The following BEND2 variants were observed in gnomAD, a reference collection of about 807,000 sequenced individuals.
The protein encoded by BEND2 is BEN domain containing 2.
In BEND2, 19 loss-of-function variants were observed where a neutral mutation model predicts 43.8. The ratio of observed to expected loss-of-function variants is 0.43; its 90% CI spans 0.30 to 0.64. BEND2 has a LOEUF of 0.64. BEND2 is among the 30% of genes least tolerant of loss of function. BEND2 has a pLI of 0.11. For synonymous variants in BEND2, 226 were observed against 210.1 expected (o/e 1.08, Z -0.66); for missense variants, 544 against 574.0 (o/e 0.95, Z 0.53).
chrX:18,168,159 C>T (rs774739865), intron 13 of BEND2, among the ~76,000 whole-genome samples: 4 of 112,176 alleles, frequency 3.6e-5, no homozygotes, highest in East Asian at 5.6e-4. Context: ...GGGACATGTA[C>T]GATTGAAGAA....
chrX:18,186,967 GA>G (rs764383363), intron 8 of BEND2, among the ~76,000 whole-genome samples: 131 of 83,181 alleles, frequency 1.6e-3, no homozygotes, highest in East Asian at 2.3e-3. Flanking sequence ...ACCCTGTCTG[GA>G]AAAAAAAAAA....
At chrX:18,194,375 A>C (rs1391676834) in intron 7 of BEND2, among the ~76,000 whole-genome samples, 1 of 111,121 alleles carries the variant, frequency 9.0e-6, no homozygotes, top group East Asian at 2.8e-4. Flanking sequence ...AAATTGAAAG[A>C]AAAAACCAGA....
chrX:18,198,126 C>T (rs1925019718), intron 6 of BEND2, among the ~76,000 whole-genome samples: 1 of 110,950 alleles, frequency 9.0e-6, no homozygotes, highest in Non-Finnish European at 1.9e-5. Context: ...CATTACCATT[C>T]AGGACATAGG....
At chrX:18,177,958 C>T (rs1924237872) in intron 9 of BEND2, among the ~76,000 whole-genome samples, 189 bp from the exon 10 acceptor site, 2 of 111,675 alleles carry the variant, frequency 1.8e-5, no homozygotes, top group African/African-American at 6.5e-5. Context: ...CTTCCTCTTC[C>T]TTAAATGGGT....
chrX:18,214,509 T>TA (rs1925610825), intron 2 of BEND2, among the ~76,000 whole-genome samples: 2 of 110,947 alleles, frequency 1.8e-5, no homozygotes, highest in Admixed American at 1.9e-4. Flanking sequence ...GCATATTTTG[T>TA]ATGTCATAGA....
Position 18,204,205 on chromosome X carries a change from A to G in BEND2, c.493-290T>C, listed in dbSNP as rs760962320. Reference sequence around the variant, plus strand: ...TCTTCTTCAACCCTACATTTTATACATGATATCTACTAACATAAAAATACT... The same window carrying G: ...TCTTCTTCAACCCTACATTTTATACGTGATATCTACTAACATAAAAATACT... On this transcript the variant is annotated intron_variant, in intron 4 of 13. Transcript: ENST00000380033. Among the ~76,000 whole-genome samples the G allele has an allele frequency of 1.8e-3, 203 of 112,484 alleles. 1 individual carries two copies. Among genetic ancestry groups the G allele is most frequent in the African/African-American group, 6.2e-3 (193 of 31,011 alleles).
Position 18,220,886 on chromosome X carries a change from T to G in BEND2, c.-136A>C. On this transcript the variant is annotated 5_prime_UTR_variant, in exon 1 of 14. Transcript: ENST00000380033. Reference sequence around the variant, plus strand: ...CGTACACTCGTTGTCCGAGGCACAATGAGGCCCGGGCAGGAGCCTGGACCA... The same window carrying G: ...CGTACACTCGTTGTCCGAGGCACAAGGAGGCCCGGGCAGGAGCCTGGACCA... 4.2e-6 allele frequency: 3 copies of G among 722,312 alleles called. No homozygotes were observed. The highest frequency in any genetic ancestry group is 6.0e-6 in the Non-Finnish European group (3 of 498,575). 59.5% of individuals were successfully genotyped at this position (722,312 alleles called of 1,213,427 possible).
chrX:18,211,723 C>T (rs1172118971), intron 4 of BEND2, among the ~76,000 whole-genome samples: 1 of 108,515 alleles, frequency 9.2e-6, no homozygotes, highest in Non-Finnish European at 1.9e-5. Flanking sequence ...GTGGAGGTTG[C>T]GGTGAGCCGA....
At chrX:18,188,379 TA>T (rs753377684) in intron 8 of BEND2, among the ~76,000 whole-genome samples, 16 of 105,806 alleles carry the variant, frequency 1.5e-4, no homozygotes, top group African/African-American at 5.2e-4. Context: ...TAAAGTATAA[TA>T]AAAAAAAAGA....
At chrX:18,205,760 C>G (rs1459032725) in intron 4 of BEND2, among the ~76,000 whole-genome samples, 1 of 110,747 alleles carries the variant, frequency 9.0e-6, no homozygotes, top group African/African-American at 3.3e-5. Flanking sequence ...CTGGCAGTAT[C>G]AACAACACCT....
intron 2 of BEND2, among the ~76,000 whole-genome samples, chrX:18,215,928 A>G (rs925951445): frequency 7.1e-5 from 8 of 112,317 alleles, no homozygotes; most frequent in African/African-American, 1.3e-4. Flanking sequence ...CACATTTCCT[A>G]GAGAGCCATT....
At chrX:18,201,223 G>A (rs1343896521) in intron 6 of BEND2, among the ~76,000 whole-genome samples, 2 of 107,580 alleles carry the variant, frequency 1.9e-5, no homozygotes, top group Non-Finnish European at 1.9e-5. Context: ...GAGAAACCTC[G>A]TCTCTACTAA....
At chrX:18,184,654 A>C (rs986597506) in intron 8 of BEND2, among the ~76,000 whole-genome samples, 10 of 111,952 alleles carry the variant, frequency 8.9e-5, no homozygotes, top group African/African-American at 3.2e-4. Context: ...CACAACACCC[A>C]AGTCCCTTTG....
chrX:18,212,335 G>A (rs1274012059), intron 4 of BEND2, among the ~76,000 whole-genome samples: 1 of 110,545 alleles, frequency 9.0e-6, no homozygotes, highest in African/African-American at 3.3e-5. Context: ...CTGACCTCAG[G>A]TGATCTACCC....
In BEND2 at chrX:18,213,297, TAGA is replaced by T. The variant is rs781251690; in HGVS notation, c.376+474_376+476del. ...GCTCTGAGTCACCTAACTACGGAAC[TAGA>T]AGAAGACATTGGCTGCAACAGTATT... On this transcript the variant is annotated intron_variant, in intron 3 of 13. Coordinates refer to ENST00000380033, the MANE Select transcript of BEND2 (RefSeq NM_153346.5). Among the ~76,000 whole-genome samples, 415 of 112,456 alleles carry T rather than the reference TAGA, an allele frequency of 3.7e-3. 3 individuals are homozygous for T. The highest frequency in any genetic ancestry group is 0.011 in the African/African-American group (349 of 31,029).
At chrX:18,195,260 G>GTCTCATCT (rs1924899843) in intron 7 of BEND2, 36 bp downstream of exon 7, 1 of 1,172,157 alleles carries the variant, frequency 8.5e-7, no homozygotes, top group African/African-American at 1.8e-5. Flanking sequence ...ATCTAGATGA[G>GTCTCATCT]AGGCCTGCTT....
chrX:18,179,184 T>G (rs1307478930), intron 9 of BEND2, among the ~76,000 whole-genome samples: 3 of 95,094 alleles, frequency 3.2e-5, no homozygotes, highest in Non-Finnish European at 6.4e-5. Flanking sequence ...TTTCTGTTTT[T>G]TTTTTTTTTT....
intron 13 of BEND2, 23 bp from the exon 14 acceptor site, chrX:18,165,246 T>G: frequency 8.9e-7 from 1 of 1,118,977 alleles, no homozygotes; most frequent in African/African-American, 1.8e-5. Flanking sequence ...ACCCAAGACA[T>G]AACAGTTACT....
chrX:18,216,383 A>G (rs755428095), intron 2 of BEND2, 138 bp downstream of exon 2: 1 of 536,046 alleles, frequency 1.9e-6, no homozygotes, highest in Non-Finnish European at 3.1e-6. Context: ...GCAGAAGTAA[A>G]CATTGTGGTA....
Sources: allele counts gnomAD v4.1 joint callset (sites outside exome capture counted in the v4.1 genomes callset), GRCh38; gene constraint gnomAD v4.1.1; transcripts MANE v1.5; gene names NCBI Gene and HGNC (gene_info 2026-07-23, HGNC 2026-07-21).